Variants in CADM2 observed in about 807,000 individuals in gnomAD.
The protein encoded by CADM2 is cell adhesion molecule 2.
In CADM2, 12 loss-of-function variants were observed where a neutral mutation model predicts 49.8. The observed-to-expected ratio is 0.24, with a 90% CI of 0.15 to 0.39. CADM2 has a LOEUF of 0.39. Among genes scored for constraint, CADM2 ranks in the 10% least tolerant of loss-of-function variants. CADM2 has a pLI of 1.00. For missense variants in CADM2, 378 were observed against 492.3 expected (o/e 0.77, Z 2.20); for synonymous variants, 214 against 175.4 (o/e 1.22, Z -1.74).
At chr3:85,035,305 T>C (rs548855770) in intron 1 of CADM2, among the ~76,000 whole-genome samples, 1 of 152,336 alleles carries the variant, frequency 6.6e-6, no homozygotes, top group South Asian at 2.1e-4. Flanking sequence ...GAGCTCTTTA[T>C]ATATTCTGGT....
intron 6 of CADM2, among the ~76,000 whole-genome samples, chr3:85,917,878 C>T (rs1718573547): frequency 6.6e-6 from 1 of 152,068 alleles, no homozygotes; most frequent in Admixed American, 6.6e-5. Context: ...TGAAGAGGTC[C>T]TTCACATCCC....
At chr3:85,554,345 C>A (rs1332280359) in intron 1 of CADM2, among the ~76,000 whole-genome samples, 1 of 152,126 alleles carries the variant, frequency 6.6e-6, no homozygotes, top group African/African-American at 2.4e-5. Context: ...CTTGCTGGCC[C>A]GCAGCGCACC....
chr3:85,075,951 C>T (rs1264312053), intron 1 of CADM2, among the ~76,000 whole-genome samples: 2 of 151,542 alleles, frequency 1.3e-5, no homozygotes, highest in African/African-American at 4.9e-5. Context: ...CTTTAATTAC[C>T]ATGATAATAG....
chr3:85,172,861 T>A (rs1187146487), intron 1 of CADM2, among the ~76,000 whole-genome samples: 1 of 147,196 alleles, frequency 6.8e-6, no homozygotes, highest in Non-Finnish European at 1.5e-5. Flanking sequence ...AAAATATATG[T>A]GATAATGTTA....
chr3:85,443,268 G>T (rs2037294346), intron 1 of CADM2, among the ~76,000 whole-genome samples: 1 of 151,976 alleles, frequency 6.6e-6, no homozygotes, highest in Non-Finnish European at 1.5e-5. Context: ...CCTGTATTAT[G>T]CCTAGCAATT....
At chr3:85,281,302 A>G (rs2043493366) in intron 1 of CADM2, among the ~76,000 whole-genome samples, 9 of 151,998 alleles carry the variant, frequency 5.9e-5, no homozygotes, top group Admixed American at 5.9e-4. Flanking sequence ...TCCTTGAAAA[A>G]AGAAACATGC....
intron 1 of CADM2, among the ~76,000 whole-genome samples, chr3:85,383,663 G>A (rs575838491): frequency 1.0e-3 from 156 of 149,410 alleles, no homozygotes; most frequent in African/African-American, 3.2e-3. Flanking sequence ...TTAACCAGTC[G>A]TTTGAACATT....
intron 8 of CADM2, among the ~76,000 whole-genome samples, chr3:85,973,213 C>A (rs1319306428): frequency 6.6e-6 from 1 of 151,612 alleles, no homozygotes; most frequent in East Asian, 2.0e-4. Context: ...TGATAAAGCA[C>A]CTGTCATTTC....
chr3:85,050,506 A>T (rs1308876819), intron 1 of CADM2, among the ~76,000 whole-genome samples: 3 of 152,162 alleles, frequency 2.0e-5, no homozygotes, highest in Non-Finnish European at 4.4e-5. Flanking sequence ...ACAATTTTCT[A>T]AATATATTTT....
chr3:85,269,337 A>AT (rs953237393), intron 1 of CADM2, among the ~76,000 whole-genome samples: 1 of 151,416 alleles, frequency 6.6e-6, no homozygotes, highest in Non-Finnish European at 1.5e-5. Flanking sequence ...AGAATTCGCT[A>AT]TTTTTTTACT....
chr3:85,784,530 T>C (rs1318080583), intron 2 of CADM2, among the ~76,000 whole-genome samples: 6 of 142,324 alleles, frequency 4.2e-5, no homozygotes, highest in Non-Finnish European at 9.2e-5. Flanking sequence ...CTAAATATAT[T>C]TATCTATCTA....
intron 4 of CADM2, among the ~76,000 whole-genome samples, chr3:85,885,407 T>G (rs989370736): frequency 6.6e-6 from 1 of 151,686 alleles, no homozygotes. Context: ...GCACGGTGGC[T>G]CATGCCTGTA....
chr3:85,169,432 C>A (rs2040561018), intron 1 of CADM2, among the ~76,000 whole-genome samples: 1 of 152,142 alleles, frequency 6.6e-6, no homozygotes, highest in African/African-American at 2.4e-5. Context: ...AATGTATTAT[C>A]TGTAAAATAA....
intron 8 of CADM2, among the ~76,000 whole-genome samples, chr3:85,978,148 A>G (rs1272893263): frequency 6.6e-6 from 1 of 150,882 alleles, no homozygotes; most frequent in Non-Finnish European, 1.5e-5. Context: ...TGTAGATTAC[A>G]TGCCTATTCA....
At position 85,884,729 on chromosome 3, in the gene CADM2, T is replaced by C. The variant is rs555470642; in HGVS notation, c.391+1286T>C. On this transcript the variant is annotated intron_variant, in intron 4 of 9. Coordinates refer to ENST00000383699, the MANE Select transcript of CADM2 (RefSeq NM_001167675.2). Reference sequence around the variant, plus strand: ...GGTGCCTTCCAATATTCTTCTTCTTTTTTTTTTTTTTTTTAAAACGGAGTC... The same window carrying C: ...GGTGCCTTCCAATATTCTTCTTCTTCTTTTTTTTTTTTTTAAAACGGAGTC... Among the ~76,000 whole-genome samples the C allele has an allele frequency of 6.2e-4, 92 of 147,368 alleles. 2 individuals are homozygous for C. Among genetic ancestry groups the C allele is most frequent in the Middle Eastern group, 7.0e-3 (2 of 284 alleles).
chr3:85,684,578 G>C (rs984101969), intron 1 of CADM2, among the ~76,000 whole-genome samples: 2 of 152,136 alleles, frequency 1.3e-5, no homozygotes, highest in African/African-American at 2.4e-5. Flanking sequence ...ACCCGAGACT[G>C]GGTAATTTAT....
chr3:86,012,932 G>A lies in CADM2; in HGVS notation c.970+51285G>A, dbSNP rs557431697. ...GGAGCTTGCAGTGAGCCGAGATCGC[G>A]CCACTGCACTCCAGCCTGGGCGACA... On this transcript the variant is annotated intron_variant, in intron 8 of 9. Coordinates refer to ENST00000383699, the MANE Select transcript of CADM2 (RefSeq NM_001167675.2). The A allele has an allele frequency of 1.1e-4, 70 of 643,008 alleles. 1 individual carries two copies. Among genetic ancestry groups the A allele is most frequent in the Non-Finnish European group, 8.5e-5 (30 of 352,806 alleles). 39.8% of individuals were successfully genotyped at this position (643,008 alleles called of 1,614,324 possible).
chr3:86,040,662 G>A (rs1357832205), intron 8 of CADM2, among the ~76,000 whole-genome samples: 1 of 152,136 alleles, frequency 6.6e-6, no homozygotes, highest in Non-Finnish European at 1.5e-5. Context: ...CACTCTGCAG[G>A]ATATTATCCA....
intron 1 of CADM2, among the ~76,000 whole-genome samples, chr3:85,244,687 C>T (rs1170108604): frequency 1.3e-5 from 2 of 152,144 alleles, no homozygotes; most frequent in African/African-American, 4.8e-5. Context: ...CCGAAAGTAA[C>T]TCCTTTATAG....
Sources: gnomAD v4.1 joint callset for allele counts (sites outside exome capture counted in the v4.1 genomes callset) on GRCh38, gnomAD v4.1.1 for gene constraint, MANE v1.5 for transcripts, NCBI Gene and HGNC (gene_info 2026-07-23, HGNC 2026-07-21) for gene names.